SYF2: variants seen among roughly 807,000 people sequenced by gnomAD.
SYF2 encodes pre-mRNA-splicing factor SYF2.
Under a neutral mutation model 32.7 loss-of-function variants are expected in SYF2, and 21 were observed. The ratio of observed to expected loss-of-function variants is 0.64; its 90% CI spans 0.45 to 0.92. The LOEUF (loss-of-function observed/expected upper bound fraction) is 0.92. Ranked by LOEUF, SYF2 falls within the 40% of genes least tolerant of loss-of-function variation. The pLI, the probability that SYF2 is intolerant of heterozygous loss-of-function variation, is 0.00. For synonymous variants in SYF2, 114 were observed against 103.9 expected (o/e 1.10, Z -0.59); for missense variants, 278 against 296.5 (o/e 0.94, Z 0.46).
chr1:25,231,485 CCTA>C (rs1445259601), intron 2 of SYF2: 1 of 153,134 alleles, frequency 6.5e-6, no homozygotes, highest in East Asian at 1.9e-4. Context: ...TTAGGTGTCA[CCTA>C]CTACATGAGG....
chr1:25,232,023 G>A (rs1301023296), intron 2 of SYF2, 81 bp downstream of exon 2: 1 of 1,358,172 alleles, frequency 7.4e-7, no homozygotes, highest in East Asian at 2.4e-5. Context: ...AGACGCAGTG[G>A]TGTGGCTTCC....
rs1638432370 is a variant in SYF2 at position 25,222,708 on chromosome 1, C to T, written c.*558G>A. On this transcript the variant is annotated 3_prime_UTR_variant, in exon 7 of 7. Coordinates refer to ENST00000236273, the MANE Select transcript of SYF2 (RefSeq NM_015484.5). ...AAATTCTAATCCCAAGCATTTATTGCTTTTTAAAAAGGGAACTGTACATGA... is the reference window on the plus strand; with the variant it reads ...AAATTCTAATCCCAAGCATTTATTGTTTTTTAAAAAGGGAACTGTACATGA... 1 of 152,152 alleles carries T rather than the reference C, an allele frequency of 6.6e-6. No individual in the cohort carries two copies. The highest frequency in any genetic ancestry group is 2.4e-5 in the African/African-American group (1 of 41,434). The allele number at this position is 152,152 out of a possible 1,614,324, so 9.4% of individuals were successfully genotyped here.
intron 6 of SYF2, 42 bp from the exon 7 acceptor site, chr1:25,223,473 T>G: frequency 6.3e-7 from 1 of 1,577,024 alleles, no homozygotes; most frequent in Non-Finnish European, 8.6e-7. Context: ...AATTGCCTTC[T>G]CTTTTGATCT....
chr1:25,223,148 G>T lies in SYF2; in HGVS notation c.*118C>A. 1.1e-6 allele frequency: 1 copy of T among 876,280 alleles called. No homozygotes were observed. Among genetic ancestry groups the T allele is most frequent in the Non-Finnish European group, 1.7e-6 (1 of 581,594 alleles). The allele number at this position is 876,280 out of a possible 1,614,324, so 54.3% of individuals were successfully genotyped here. A position where few individuals can be genotyped will look rare whatever the true frequency, so the allele number is the denominator to read the frequency against. On this transcript the variant is annotated 3_prime_UTR_variant, in exon 7 of 7. Transcript: ENST00000236273. ...CCACATTTTTATTTCTAAATGCTGA[G>T]TGAGAAGGCATGGACTACTAAATTC...
intron 5 of SYF2, among the ~76,000 whole-genome samples, chr1:25,226,955 T>C (rs1241196280): frequency 1.3e-5 from 2 of 151,428 alleles, no homozygotes; most frequent in East Asian, 3.9e-4. Context: ...CACTCCAGCT[T>C]AAGCAACAGA....
intron 5 of SYF2, 107 bp downstream of exon 5, chr1:25,227,335 T>C (rs1638531645): frequency 9.8e-6 from 9 of 922,928 alleles, no homozygotes; most frequent in South Asian, 1.8e-5. Flanking sequence ...TAGACAACTA[T>C]TAATAACCCA....
In SYF2 at chr1:25,227,451, C is replaced by G. The variant is rs1259506029; in HGVS notation, c.458G>C (p.Arg153Thr). Residue 153 changes from arginine to threonine, a missense_variant, in exon 5 of 7, where the codon AGA (arginine) becomes ACA (threonine). By Grantham distance (71) the Arg-to-Thr change is moderately conservative. Transcript: ENST00000236273. ...TTGAAAAAGGACTTACTGTTTTTCT[C>G]TCAGTCTCTCATATGTTTCCATGTC... Reference protein sequence around the residue: ...KPDMETYERLREKHGEEFFPT... With the variant: ...KPDMETYERLTEKHGEEFFPT... 6.2e-7 allele frequency: 1 copy of G among 1,613,462 alleles called. No individual in the cohort carries two copies. Among genetic ancestry groups the G allele is most frequent in the East Asian group, 2.2e-5 (1 of 44,882 alleles).
chr1:25,232,394 C>T, intron 1 of SYF2, 50 bp downstream of exon 1: 4 of 1,614,120 alleles, frequency 2.5e-6, no homozygotes, highest in Non-Finnish European at 3.4e-6. Flanking sequence ...CAGGCCGCTC[C>T]CCGGAACCCT....
At chr1:25,230,274 T>C (rs778410530) in intron 2 of SYF2, 2 of 152,190 alleles carry the variant, frequency 1.3e-5, no homozygotes. Flanking sequence ...AATTTTCCAT[T>C]TGAAGTATCA....
intron 2 of SYF2, chr1:25,231,660 C>T (rs1638632407): frequency 5.9e-6 from 1 of 169,646 alleles, no homozygotes; most frequent in African/African-American, 2.4e-5. Flanking sequence ...CCCAGAAGTC[C>T]CAAAAACAGA....
chr1:25,229,752 G>A (rs112388985), intron 2 of SYF2, among the ~76,000 whole-genome samples: 6,305 of 150,584 alleles, frequency 0.042, 471 homozygotes, highest in African/African-American at 0.15. Flanking sequence ...TACAGCCTGG[G>A]TGACAGAGCG....
chr1:25,226,583 A>G (rs1025445871), intron 5 of SYF2, among the ~76,000 whole-genome samples: 1 of 152,256 alleles, frequency 6.6e-6, no homozygotes, highest in Non-Finnish European at 1.5e-5. Context: ...TACGACAATC[A>G]GGGTGTTAAC....
intron 5 of SYF2, among the ~76,000 whole-genome samples, chr1:25,226,026 C>T (rs574260861): frequency 2.0e-5 from 3 of 151,692 alleles, no homozygotes; most frequent in African/African-American, 4.8e-5. Flanking sequence ...GGCGTGGTGG[C>T]GGGCACCTGT....
intron 2 of SYF2, chr1:25,231,779 A>G (rs879686522): frequency 1.4e-5 from 6 of 417,542 alleles, no homozygotes; most frequent in Non-Finnish European, 2.7e-5. Context: ...CTCTAGCTCT[A>G]CATATTTCCC....
In SYF2 at chr1:25,228,943, T is replaced by G; in HGVS notation, c.258+55A>C. 3.8e-6 allele frequency: 6 copies of G among 1,580,900 alleles called. No individual in the cohort carries two copies. The South Asian group carries it at 7.0e-5, about 19-fold the overall frequency. Reference sequence around the variant, plus strand: ...TATACAACCACCATGTTGTAGTGTCTTGATACAACAGAATGATTGACTAAA... The same window carrying G: ...TATACAACCACCATGTTGTAGTGTCGTGATACAACAGAATGATTGACTAAA... On this transcript the variant is annotated intron_variant, in intron 3 of 6. Coordinates refer to ENST00000236273, the MANE Select transcript of SYF2 (RefSeq NM_015484.5).
chr1:25,231,412 G>T (rs1638627597), intron 2 of SYF2: 1 of 152,148 alleles, frequency 6.6e-6, no homozygotes, highest in African/African-American at 2.4e-5. Context: ...CTTTGAATTT[G>T]TTCCCTTTGC....
intron 5 of SYF2, among the ~76,000 whole-genome samples, chr1:25,226,845 G>T (rs1446922829): frequency 6.6e-6 from 1 of 152,086 alleles, no homozygotes. Flanking sequence ...GCCAGGAATC[G>T]TGGCACATGT....
In SYF2 at chr1:25,222,693, C is replaced by G. The variant is rs1442052305; in HGVS notation, c.*573G>C. 1 of 152,144 alleles carries G rather than the reference C, an allele frequency of 6.6e-6. No individual in the cohort carries two copies. Among genetic ancestry groups the G allele is most frequent in the Non-Finnish European group, 1.5e-5 (1 of 68,028 alleles). The allele number at this position is 152,144 out of a possible 1,614,324, so 9.4% of individuals were successfully genotyped here. A position where few individuals can be genotyped will look rare whatever the true frequency, so the allele number is the denominator to read the frequency against. On this transcript the variant is annotated 3_prime_UTR_variant, in exon 7 of 7. Transcript: ENST00000236273. Reference sequence around the variant, plus strand: ...GACTAAAAATGTTAGAAATTCTAATCCCAAGCATTTATTGCTTTTTAAAAA... The same window carrying G: ...GACTAAAAATGTTAGAAATTCTAATGCCAAGCATTTATTGCTTTTTAAAAA...
At chr1:25,223,933 C>T (rs1418227178) in intron 6 of SYF2, among the ~76,000 whole-genome samples, 1 of 152,052 alleles carries the variant, frequency 6.6e-6, no homozygotes, top group Non-Finnish European at 1.5e-5. Flanking sequence ...GTGGCTCATG[C>T]CTGTAACCCC....
Sources: gnomAD v4.1 joint callset for allele counts (sites outside exome capture counted in the v4.1 genomes callset) on GRCh38, gnomAD v4.1.1 for gene constraint, MANE v1.5 for transcripts, NCBI Gene and HGNC (gene_info 2026-07-23, HGNC 2026-07-21) for gene names.